Variants in DPYD observed in about 807,000 individuals in gnomAD.
DPYD encodes the protein dihydropyrimidine dehydrogenase.
DPYD carries 109 observed loss-of-function variants against 116.2 expected under a neutral mutation model. The ratio of observed to expected loss-of-function variants is 0.94; its 90% CI spans 0.80 to 1.10. DPYD has a LOEUF of 1.10. Ranked by LOEUF, DPYD falls within the 50% of genes least tolerant of loss-of-function variation. The pLI, the probability that DPYD is intolerant of heterozygous loss-of-function variation, is 0.00. For missense variants in DPYD, 1,302 were observed against 1,254.5 expected, an observed-to-expected ratio of 1.04 and a Z score of -0.57; for synonymous variants, 440 against 432.0, an observed-to-expected ratio of 1.02 and a Z score of -0.23.
At chr1:97,699,844 G>A (rs1023333205) in intron 5 of DPYD, among the ~76,000 whole-genome samples, 1 of 151,838 alleles carries the variant, frequency 6.6e-6, no homozygotes, top group Non-Finnish European at 1.5e-5. Flanking sequence ...AGCATAATCT[G>A]TATGTCTCTA....
chr1:97,636,018 G>A lies in DPYD; in HGVS notation c.851-40852C>T, dbSNP rs114739740. ...TATTTTATTGTAGAGATGGGGTTTC[G>A]CCATATTGCTCAGGCTGGTCTCGAA... On this transcript the variant is annotated intron_variant, in intron 8 of 22. Transcript: ENST00000370192. 3.8e-3 allele frequency among the ~76,000 whole-genome samples: 571 copies of A among 151,864 alleles called. 8 individuals carry two copies. Among genetic ancestry groups the A allele is most frequent in the African/African-American group, 0.013 (537 of 41,444 alleles).
At chr1:97,592,384 T>C (rs1284922485) in intron 10 of DPYD, among the ~76,000 whole-genome samples, 1 of 152,200 alleles carries the variant, frequency 6.6e-6, no homozygotes. Flanking sequence ...ACTATTTTTT[T>C]GAGACAGAGT....
intron 14 of DPYD, among the ~76,000 whole-genome samples, chr1:97,435,750 G>A (rs1675438339): frequency 1.3e-5 from 2 of 151,832 alleles, no homozygotes; most frequent in Non-Finnish European, 1.5e-5. Context: ...ACCTCAGGGG[G>A]AAAATGTGAA....
At chr1:97,423,274 T>C (rs1674680385) in intron 14 of DPYD, among the ~76,000 whole-genome samples, 3 of 152,154 alleles carry the variant, frequency 2.0e-5, no homozygotes, top group Non-Finnish European at 4.4e-5. Context: ...CACTGAATTC[T>C]TGATTTTATT....
chr1:97,665,684 C>G (rs1330189690), intron 8 of DPYD, among the ~76,000 whole-genome samples: 1 of 152,130 alleles, frequency 6.6e-6, no homozygotes, highest in South Asian at 2.1e-4. Context: ...ATGAGTCTAT[C>G]TTTAATTAAT....
chr1:97,092,657 C>A (rs1485997960), intron 21 of DPYD, among the ~76,000 whole-genome samples: 1 of 152,092 alleles, frequency 6.6e-6, no homozygotes, highest in Non-Finnish European at 1.5e-5. Flanking sequence ...GCTCTTTCTC[C>A]TTTATATCCT....
intron 16 of DPYD, among the ~76,000 whole-genome samples, chr1:97,330,292 T>C (rs774686650): frequency 8.5e-5 from 13 of 152,214 alleles, no homozygotes; most frequent in Non-Finnish European, 1.6e-4. Context: ...CTCCTTGTTG[T>C]GGTTCATTGT....
At chr1:97,178,682 T>C (rs1440133790) in intron 20 of DPYD, among the ~76,000 whole-genome samples, 3 of 152,168 alleles carry the variant, frequency 2.0e-5, no homozygotes, top group Non-Finnish European at 4.4e-5. Flanking sequence ...TTCCATTTCA[T>C]AATTTTTCAC....
intron 13 of DPYD, among the ~76,000 whole-genome samples, chr1:97,506,719 G>T (rs1469080590): frequency 6.6e-6 from 1 of 151,938 alleles, no homozygotes; most frequent in Non-Finnish European, 1.5e-5. Context: ...AGCCTGAAAT[G>T]GGAAAGTGGT....
intron 8 of DPYD, among the ~76,000 whole-genome samples, chr1:97,652,861 C>T (rs1485515108): frequency 6.6e-6 from 1 of 152,130 alleles, no homozygotes; most frequent in Non-Finnish European, 1.5e-5. Context: ...CCCTCATGTC[C>T]TATCTACTGT....
chr1:97,401,696 T>G (rs954295698), intron 14 of DPYD, among the ~76,000 whole-genome samples: 5 of 152,102 alleles, frequency 3.3e-5, no homozygotes, highest in African/African-American at 1.2e-4. Flanking sequence ...TAAAAACACA[T>G]GTGTCATCAA....
intron 20 of DPYD, among the ~76,000 whole-genome samples, chr1:97,099,185 C>G (rs1650484805): frequency 6.6e-6 from 1 of 152,054 alleles, no homozygotes; most frequent in South Asian, 2.1e-4. Flanking sequence ...TTGCAACTTA[C>G]TGGAATAGCT....
At chr1:97,735,067 C>T (rs1486728767) in intron 4 of DPYD, among the ~76,000 whole-genome samples, 2 of 151,714 alleles carry the variant, frequency 1.3e-5, no homozygotes, top group African/African-American at 4.8e-5. Context: ...CTTGGTGACT[C>T]GAAAAAAAAC....
intron 13 of DPYD, among the ~76,000 whole-genome samples, chr1:97,485,073 T>C (rs1038060306): frequency 3.9e-5 from 6 of 152,238 alleles, no homozygotes; most frequent in African/African-American, 1.4e-4. Flanking sequence ...TTTATTCTGT[T>C]TGAGATTCAT....
chr1:97,598,157 A>G lies in DPYD; in HGVS notation c.851-2991T>C, dbSNP rs1655005596. Among the ~76,000 whole-genome samples the G allele has an allele frequency of 5.3e-5, 8 of 152,298 alleles. No homozygotes were observed. In the South Asian group the frequency reaches 1.7e-3, roughly 32 times the overall value. On this transcript the variant is annotated intron_variant, in intron 8 of 22. Coordinates refer to ENST00000370192, the MANE Select transcript of DPYD (RefSeq NM_000110.4). ...CAAGGAAAGAATAAAAGCTTAAATA[A>G]AAATAAAGTATTAAACCTTAGCATA...
intron 20 of DPYD, among the ~76,000 whole-genome samples, chr1:97,108,574 A>C (rs1161702601): frequency 7.9e-5 from 12 of 152,166 alleles, no homozygotes; most frequent in Non-Finnish European, 1.8e-4. Flanking sequence ...GGATGGGTTC[A>C]TAAACTGTTT....
intron 20 of DPYD, among the ~76,000 whole-genome samples, chr1:97,134,050 T>A (rs866219252): frequency 0.01 from 700 of 69,508 alleles, 94 homozygotes; most frequent in African/African-American, 0.037. Context: ...TATATATATA[T>A]ATATATATAT....
intron 19 of DPYD, among the ~76,000 whole-genome samples, chr1:97,197,703 C>T (rs990395646): frequency 6.6e-5 from 10 of 151,940 alleles, no homozygotes; most frequent in Admixed American, 3.3e-4. Flanking sequence ...ATGGTAGGTC[C>T]CAAGGCTAAG....
intron 12 of DPYD, among the ~76,000 whole-genome samples, chr1:97,534,966 G>A (rs1174990560): frequency 6.6e-6 from 1 of 151,934 alleles, no homozygotes; most frequent in Non-Finnish European, 1.5e-5. Flanking sequence ...TCAAGATAAC[G>A]TATTGGAGAT....
Sources: gnomAD v4.1 joint callset for allele counts (sites outside exome capture counted in the v4.1 genomes callset) on GRCh38, gnomAD v4.1.1 for gene constraint, MANE v1.5 for transcripts, NCBI Gene and HGNC (gene_info 2026-07-23, HGNC 2026-07-21) for gene names.